The following FAM13B variants were observed in gnomAD, a reference collection of about 807,000 sequenced individuals.
FAM13B encodes protein FAM13B.
In FAM13B, 60 loss-of-function variants were observed where a neutral mutation model predicts 117.3. The observed-to-expected ratio is 0.51, with a 90% CI of 0.42 to 0.63. The LOEUF is 0.63. Among genes scored for constraint, FAM13B ranks in the 30% least tolerant of loss-of-function variants. The pLI is 0.00. For synonymous variants in FAM13B, 332 were observed against 356.1 expected (o/e 0.93, Z 0.76); for missense variants, 972 against 1,091.9 (o/e 0.89, Z 1.55).
intron 7 of FAM13B, among the ~76,000 whole-genome samples, chr5:137,993,280 T>C (rs1166268876): frequency 6.6e-6 from 1 of 152,218 alleles, no homozygotes; most frequent in Non-Finnish European, 1.5e-5. Context: ...TGCTTCTAAC[T>C]TGTTTTGCTA....
intron 1 of FAM13B, among the ~76,000 whole-genome samples, chr5:138,051,282 A>G (rs570669237): frequency 1.7e-4 from 26 of 152,350 alleles, no homozygotes; most frequent in African/African-American, 6.3e-4. Context: ...CAGTGCTACA[A>G]TATGTTTGTA....
intron 1 of FAM13B, among the ~76,000 whole-genome samples, chr5:138,043,206 A>T (rs1260711029): frequency 6.6e-6 from 1 of 152,114 alleles, no homozygotes; most frequent in Non-Finnish European, 1.5e-5. Context: ...TCTATAAAAA[A>T]TAAAATTAAA....
intron 10 of FAM13B, among the ~76,000 whole-genome samples, chr5:137,983,198 A>AC (rs1435911034): frequency 6.8e-6 from 1 of 147,774 alleles, no homozygotes; most frequent in Non-Finnish European, 1.5e-5. Context: ...AAAAAAAAAA[A>AC]AAAAAAAAAA....
At chr5:137,999,705 C>T (rs1254094139) in intron 7 of FAM13B, among the ~76,000 whole-genome samples, 2 of 152,170 alleles carry the variant, frequency 1.3e-5, no homozygotes, top group African/African-American at 4.8e-5. Flanking sequence ...TAGGAAACAA[C>T]AGAAATGTAT....
At chr5:137,990,380 C>A (rs531265827) in intron 7 of FAM13B, among the ~76,000 whole-genome samples, 100 of 152,192 alleles carry the variant, frequency 6.6e-4, no homozygotes, top group African/African-American at 2.3e-3. Flanking sequence ...TATCTTATAC[C>A]AAATCCTGAA....
rs920247393 is a variant in FAM13B, at chr5:137,973,296, A to G, written c.1180-10827T>C. ...ATGGAACAGAACATAGCCCTCAGAAATAATGCTGCATATCTACAACTATCT... is the reference window on the plus strand; with the variant it reads ...ATGGAACAGAACATAGCCCTCAGAAGTAATGCTGCATATCTACAACTATCT... On this transcript the variant is annotated intron_variant, in intron 10 of 23. Coordinates refer to ENST00000689681, the MANE Select transcript of FAM13B (RefSeq NM_001385994.1). Among the ~76,000 whole-genome samples, 87 of 152,302 alleles carry G rather than the reference A, an allele frequency of 5.7e-4. 1 individual carries two copies. The highest frequency in any genetic ancestry group is 1.9e-3 in the African/African-American group (81 of 41,564).
intron 4 of FAM13B, among the ~76,000 whole-genome samples, chr5:138,014,998 C>G (rs763063128): frequency 9.9e-5 from 15 of 152,216 alleles, no homozygotes; most frequent in Non-Finnish European, 1.8e-4. Flanking sequence ...AATGTTCTAA[C>G]TAATCCACAA....
At chr5:138,022,925 C>T (rs1354139227) in intron 1 of FAM13B, among the ~76,000 whole-genome samples, 1 of 151,566 alleles carries the variant, frequency 6.6e-6, no homozygotes, top group Non-Finnish European at 1.5e-5. Context: ...AACTCCTGGA[C>T]CCAAGCAATC....
chr5:138,000,943 C>CAAAAAAAAAAAAAAA (rs77100079), intron 7 of FAM13B, among the ~76,000 whole-genome samples: 1 of 141,388 alleles, frequency 7.1e-6, no homozygotes. Context: ...AAACAAAAAA[C>CAAAAAAAAAAAAAAA]AAAAAAAAAA....
At chr5:138,004,259 A>G (rs1781984177) in intron 7 of FAM13B, among the ~76,000 whole-genome samples, 1 of 151,294 alleles carries the variant, frequency 6.6e-6, no homozygotes, top group Non-Finnish European at 1.5e-5. Context: ...ACAGAGCGCA[A>G]CTCCATCTCA....
chr5:137,968,648 G>C (rs1308850194), intron 10 of FAM13B, among the ~76,000 whole-genome samples: 1 of 152,132 alleles, frequency 6.6e-6, no homozygotes, highest in Non-Finnish European at 1.5e-5. Flanking sequence ...ACAGCTCCCA[G>C]CGTGAGCGAC....
chr5:137,975,979 C>CTTTT (rs1561483320), intron 10 of FAM13B, among the ~76,000 whole-genome samples: 3 of 10,412 alleles, frequency 2.9e-4, no homozygotes, highest in South Asian at 0.013. Context: ...CTCAACTCTT[C>CTTTT]CTTTTTTTTT....
chr5:138,021,651 G>C (rs1786755129), intron 1 of FAM13B, among the ~76,000 whole-genome samples: 1 of 152,132 alleles, frequency 6.6e-6, no homozygotes, highest in Non-Finnish European at 1.5e-5. Context: ...ATACAACATA[G>C]TGGTTGCCTG....
At chr5:137,999,661 T>G (rs1342894701) in intron 7 of FAM13B, among the ~76,000 whole-genome samples, 2 of 152,174 alleles carry the variant, frequency 1.3e-5, no homozygotes, top group Non-Finnish European at 2.9e-5. Flanking sequence ...ATTTTCTTAG[T>G]CCATTCACAT....
rs777592851 is a variant in FAM13B at position 137,988,315 on chromosome 5, G to A, written c.849C>T (p.Ser283=). Residue 283 remains serine, a splice_region_variant and synonymous_variant, in exon 8 of 24, where the codon AGC becomes AGT. Coordinates refer to ENST00000689681, the MANE Select transcript of FAM13B (RefSeq NM_001385994.1). ...GGATGCTGATGGGAGATATATGGGT[G>A]CTGCAATCAAAGAAAGAAATTAGCT... ...ILESNSVTAT[S]THISPISILP... 1 of 1,558,564 alleles carries A rather than the reference G, an allele frequency of 6.4e-7. No homozygotes were observed. Among genetic ancestry groups the A allele is most frequent in the Non-Finnish European group, 8.6e-7 (1 of 1,162,048 alleles).
intron 10 of FAM13B, among the ~76,000 whole-genome samples, chr5:137,984,082 G>A (rs1323350525): frequency 1.3e-5 from 2 of 152,168 alleles, no homozygotes; most frequent in Admixed American, 6.5e-5. Flanking sequence ...AAATGTGACA[G>A]TGACAATAAT....
chr5:138,049,483 G>C (rs1791739893), intron 1 of FAM13B, among the ~76,000 whole-genome samples: 1 of 151,454 alleles, frequency 6.6e-6, no homozygotes, highest in Admixed American at 6.6e-5. Flanking sequence ...CTGTTGGTCA[G>C]GCTGGTCTTG....
intron 1 of FAM13B, among the ~76,000 whole-genome samples, chr5:138,023,811 C>G (rs997759433): frequency 6.6e-6 from 1 of 152,176 alleles, no homozygotes; most frequent in African/African-American, 2.4e-5. Context: ...CCACCCACTT[C>G]AGCCTCCCAA....
chr5:138,009,720 G>GCTTGAACC (rs1316713994), intron 6 of FAM13B, among the ~76,000 whole-genome samples: 1 of 146,920 alleles, frequency 6.8e-6, no homozygotes, highest in Non-Finnish European at 1.5e-5. Flanking sequence ...CAGGAGAATT[G>GCTTGAACC]CTTGAACCTG....
Sources: allele counts gnomAD v4.1 joint callset (sites outside exome capture counted in the v4.1 genomes callset), GRCh38; gene constraint gnomAD v4.1.1; transcripts MANE v1.5; gene names NCBI Gene and HGNC (gene_info 2026-07-23, HGNC 2026-07-21).